MCU: variants seen among roughly 807,000 people sequenced by gnomAD.
MCU encodes calcium uniporter protein, mitochondrial.
Under a neutral mutation model 45.2 loss-of-function variants are expected in MCU, and 12 were observed. The ratio of observed to expected loss-of-function variants is 0.27; its 90% CI spans 0.17 to 0.43. The LOEUF (loss-of-function observed/expected upper bound fraction) is 0.43. MCU is among the 20% of genes least tolerant of loss of function. The pLI is 1.00. For synonymous variants in MCU, 160 were observed against 165.1 expected (o/e 0.97, Z 0.24); for missense variants, 324 against 436.7 (o/e 0.74, Z 2.30).
chr10:72,694,041 C>T (rs190343231), intron 1 of MCU, among the ~76,000 whole-genome samples: 3 of 152,270 alleles, frequency 2.0e-5, no homozygotes, highest in Admixed American at 1.3e-4. Flanking sequence ...CGAAGGTGTT[C>T]TCTGTGCTAT....
At chr10:72,735,960 ATTTAAT>A (rs1201218369) in intron 1 of MCU, among the ~76,000 whole-genome samples, 1 of 152,220 alleles carries the variant, frequency 6.6e-6, no homozygotes, top group Non-Finnish European at 1.5e-5. Flanking sequence ...GTACTTCTGT[ATTTAAT>A]TTTAGTTTCT....
intron 1 of MCU, among the ~76,000 whole-genome samples, chr10:72,762,828 T>C (rs549976937): frequency 2.6e-5 from 4 of 152,248 alleles, no homozygotes; most frequent in East Asian, 1.9e-4. Context: ...GTTTTTTTTT[T>C]CCTGCAGTAA....
At chr10:72,791,571 T>C (rs1242165332) in intron 1 of MCU, among the ~76,000 whole-genome samples, 1 of 152,198 alleles carries the variant, frequency 6.6e-6, no homozygotes, top group Non-Finnish European at 1.5e-5. Flanking sequence ...TGAGGTTTTA[T>C]CTGAGTTATA....
intron 1 of MCU, among the ~76,000 whole-genome samples, chr10:72,707,606 GGTGT>G (rs373225323): frequency 0.018 from 2,390 of 134,686 alleles, 22 homozygotes; most frequent in Middle Eastern, 0.036. Flanking sequence ...CGTGGTGAGT[GGTGT>G]GTGTGTGTGT....
At chr10:72,826,675 C>T (rs1844803324) in intron 1 of MCU, among the ~76,000 whole-genome samples, 1 of 152,202 alleles carries the variant, frequency 6.6e-6, no homozygotes. Context: ...TACATTTATT[C>T]ATTTAACAGA....
chr10:72,881,394 G>C (rs906806353), intron 6 of MCU, among the ~76,000 whole-genome samples: 1 of 152,000 alleles, frequency 6.6e-6, no homozygotes, highest in Admixed American at 6.6e-5. Flanking sequence ...TACAGGATAA[G>C]AGTGATAAAG....
chr10:72,766,623 A>G (rs1165727573), intron 1 of MCU: 2 of 152,176 alleles, frequency 1.3e-5, no homozygotes, highest in East Asian at 1.9e-4. Context: ...TGGCGAGGGT[A>G]TTAAAACTGA....
At chr10:72,694,487 A>T (rs1013573032) in intron 1 of MCU, among the ~76,000 whole-genome samples, 3 of 152,218 alleles carry the variant, frequency 2.0e-5, no homozygotes, top group Admixed American at 1.3e-4. Context: ...ATTGTCCATT[A>T]TGAAAGTATT....
intron 1 of MCU, among the ~76,000 whole-genome samples, chr10:72,727,062 G>A (rs575948910): frequency 9.9e-5 from 15 of 152,266 alleles, no homozygotes; most frequent in African/African-American, 1.4e-4. Flanking sequence ...AATAAAGGCC[G>A]TTTTGGCAAT....
chr10:72,697,289 G>C (rs1452979302), intron 1 of MCU, among the ~76,000 whole-genome samples: 2 of 151,108 alleles, frequency 1.3e-5, no homozygotes, highest in Non-Finnish European at 2.9e-5. Context: ...GCTAATTTTT[G>C]TATTTTTTGT....
chr10:72,771,043 T>C (rs1329370260), intron 1 of MCU, among the ~76,000 whole-genome samples: 7 of 152,194 alleles, frequency 4.6e-5, no homozygotes, highest in Non-Finnish European at 1.0e-4. Context: ...TCTGCCTTCA[T>C]GGTTTTTAAA....
At chr10:72,732,208 C>T (rs57432097) in intron 1 of MCU, among the ~76,000 whole-genome samples, 3,299 of 152,208 alleles carry the variant, frequency 0.022, 108 homozygotes, top group African/African-American at 0.072. Context: ...TGATGTTCAG[C>T]GTATCTTTGG....
intron 1 of MCU, among the ~76,000 whole-genome samples, chr10:72,770,804 A>G (rs1339010587): frequency 2.0e-5 from 3 of 152,204 alleles, no homozygotes; most frequent in Non-Finnish European, 4.4e-5. Flanking sequence ...ACAATTATAT[A>G]TATATTATCC....
intron 1 of MCU, among the ~76,000 whole-genome samples, chr10:72,827,879 C>A (rs1195902908): frequency 6.6e-6 from 1 of 152,074 alleles, no homozygotes; most frequent in African/African-American, 2.4e-5. Context: ...CAGTGTTTTC[C>A]CCCACTATCC....
intron 1 of MCU, among the ~76,000 whole-genome samples, chr10:72,762,453 C>T (rs1843669141): frequency 6.6e-6 from 1 of 151,312 alleles, no homozygotes; most frequent in Non-Finnish European, 1.5e-5. Flanking sequence ...AAACTACATA[C>T]ATGCAAGTTC....
At chr10:72,761,916 TGTAA>T (rs1420216858) in intron 1 of MCU, among the ~76,000 whole-genome samples, 1 of 152,142 alleles carries the variant, frequency 6.6e-6, no homozygotes, top group Non-Finnish European at 1.5e-5. Context: ...AGCTCCCACT[TGTAA>T]GTGAGAAGAT....
intron 1 of MCU, among the ~76,000 whole-genome samples, chr10:72,735,702 C>G (rs1843243728): frequency 6.6e-6 from 1 of 152,122 alleles, no homozygotes; most frequent in Non-Finnish European, 1.5e-5. Context: ...GTAATCAGAT[C>G]TATGTCACAA....
At chr10:72,873,453 T>G (rs1845576811) in intron 6 of MCU, among the ~76,000 whole-genome samples, 1 of 152,218 alleles carries the variant, frequency 6.6e-6, no homozygotes, top group Non-Finnish European at 1.5e-5. Context: ...ATTGGATAGT[T>G]TATTTTTTTG....
At chr10:72,693,099 T>A in intron 1 of MCU, 1 of 1,534,182 alleles carries the variant, frequency 6.5e-7, no homozygotes. Context: ...GATTTGGTGG[T>A]TGTATTAACC....
Sources: allele counts gnomAD v4.1 joint callset (sites outside exome capture counted in the v4.1 genomes callset), GRCh38; gene constraint gnomAD v4.1.1; transcripts MANE v1.5; gene names NCBI Gene and HGNC (gene_info 2026-07-23, HGNC 2026-07-21).